The following GREM2 variants were observed in gnomAD, a reference collection of about 807,000 sequenced individuals.
GREM2 encodes the protein gremlin-2.
A neutral mutation model predicts 14.2 loss-of-function variants in GREM2; 11 were observed. The observed-to-expected ratio is 0.78, with a 90% CI of 0.49 to 1.28. The LOEUF (loss-of-function observed/expected upper bound fraction) is 1.28. Ranked by LOEUF, GREM2 falls within the 50% of genes most tolerant of loss-of-function variation. The pLI, the probability that GREM2 is intolerant of heterozygous loss-of-function variation, is 0.00. For missense variants in GREM2, 210 were observed against 218.5 expected, an observed-to-expected ratio of 0.96 and a Z score of 0.24; for synonymous variants, 98 against 97.6, an observed-to-expected ratio of 1.00 and a Z score of -0.02.
At chr1:240,594,097 G>T (rs912885359) in intron 1 of GREM2, among the ~76,000 whole-genome samples, 9 of 152,066 alleles carry the variant, frequency 5.9e-5, no homozygotes, top group Non-Finnish European at 1.3e-4. Flanking sequence ...GGGACCACAG[G>T]CACACAACAC....
In GREM2 at chr1:240,493,042, C is replaced by T. The variant is rs1337786253; in HGVS notation, c.434G>A (p.Arg145Gln). The T allele has an allele frequency of 1.9e-6, 3 of 1,603,604 alleles. No homozygotes were observed. The African/African-American group carries it at 4.0e-5, about 21-fold the overall frequency. ...CTTCACCTTCTGGATTTTCTTGAGT[C>T]GGAAGGGTGGGTCCAGGCCGGGGCA... ...LECPGLDPPFRLKKIQKVKQC... is the reference protein window; with the variant it reads ...LECPGLDPPFQLKKIQKVKQC... The change falls in exon 2 of 2, where the codon CGA (arginine) becomes CAA (glutamine). Residue 145 changes from arginine to glutamine, a missense_variant. Physicochemically the swap from Arg to Gln is conservative, Grantham distance 43. Coordinates refer to ENST00000318160, the MANE Select transcript of GREM2 (RefSeq NM_022469.4).
At position 240,514,934 on chromosome 1, in the gene GREM2, C is replaced by T. The variant is rs114321212; in HGVS notation, c.-1-21458G>A. ...CCAGCCTGGGCTACAGAGCAAGCCT[C>T]TATCTCAAACAACAAACAAACAAAC... On this transcript the variant is annotated intron_variant, in intron 1 of 1. Coordinates refer to ENST00000318160, the MANE Select transcript of GREM2 (RefSeq NM_022469.4). 8.3e-3 allele frequency among the ~76,000 whole-genome samples: 1,256 copies of T among 151,128 alleles called. 11 individuals carry two copies. Among genetic ancestry groups the T allele is most frequent in the Middle Eastern group, 0.048 (14 of 292 alleles).
At chr1:240,527,746 T>G (rs1161206600) in intron 1 of GREM2, among the ~76,000 whole-genome samples, 1 of 152,210 alleles carries the variant, frequency 6.6e-6, no homozygotes. Flanking sequence ...TTATCCCTAC[T>G]TCGTATATAA....
chr1:240,544,249 G>A (rs185783388), intron 1 of GREM2, among the ~76,000 whole-genome samples: 213 of 150,876 alleles, frequency 1.4e-3, no homozygotes, highest in Middle Eastern at 0.01. Context: ...CTGGGTTCAC[G>A]CCTTTCTCCT....
At chr1:240,578,479 T>G (rs904721696) in intron 1 of GREM2, among the ~76,000 whole-genome samples, 1 of 151,938 alleles carries the variant, frequency 6.6e-6, no homozygotes, top group African/African-American at 2.4e-5. Flanking sequence ...CTCTGTTAGT[T>G]TGCTCATCTA....
intron 1 of GREM2, among the ~76,000 whole-genome samples, chr1:240,518,531 C>T (rs1678000414): frequency 6.6e-6 from 1 of 152,072 alleles, no homozygotes; most frequent in African/African-American, 2.4e-5. Flanking sequence ...TTTTTTTAAA[C>T]ATTTTATCTG....
chr1:240,567,001 C>T (rs1360840689), intron 1 of GREM2, among the ~76,000 whole-genome samples: 2 of 151,902 alleles, frequency 1.3e-5, no homozygotes, highest in African/African-American at 2.4e-5. Context: ...AAAGTTGAGA[C>T]ATGGAAAATA....
chr1:240,497,775 C>T (rs1269057516), intron 1 of GREM2, among the ~76,000 whole-genome samples: 12 of 152,036 alleles, frequency 7.9e-5, no homozygotes, highest in African/African-American at 2.7e-4. Context: ...AAAATGGCCA[C>T]GCTTCCAGCT....
chr1:240,558,280 A>G (rs1379851509), intron 1 of GREM2, among the ~76,000 whole-genome samples: 4 of 152,110 alleles, frequency 2.6e-5, no homozygotes, highest in Admixed American at 2.0e-4. Flanking sequence ...CTTTGATAGT[A>G]ATTGCCTTTG....
At chr1:240,585,237 C>G (rs945062565) in intron 1 of GREM2, among the ~76,000 whole-genome samples, 1 of 151,970 alleles carries the variant, frequency 6.6e-6, no homozygotes, top group East Asian at 1.9e-4. Flanking sequence ...AGGAAGGTCC[C>G]GAGGGTGCAG....
chr1:240,497,120 C>T (rs764696804), intron 1 of GREM2, among the ~76,000 whole-genome samples: 12 of 152,074 alleles, frequency 7.9e-5, no homozygotes, highest in Admixed American at 2.6e-4. Flanking sequence ...CACGTGACTG[C>T]GTGACAAAGG....
rs1677314958 is a variant in GREM2 at position 240,493,393 on chromosome 1, C to G, written c.83G>C (p.Gly28Ala). Residue 28 changes from glycine (G) to alanine (A), a missense_variant, in exon 2 of 2, where the codon GGC becomes GCC. By Grantham distance (60) the Gly-to-Ala change is moderately conservative. Coordinates refer to ENST00000318160, the MANE Select transcript of GREM2 (RefSeq NM_022469.4). Reference protein sequence around the residue: ...VAEARKNRPAGAIPSPYKDGS... With the variant: ...VAEARKNRPAAAIPSPYKDGS... ...GTCCTTGTAAGGCGAGGGGATGGCGCCCGCCGGCCGGTTCTTCCGGGCTTC... is the reference window on the plus strand; with the variant it reads ...GTCCTTGTAAGGCGAGGGGATGGCGGCCGCCGGCCGGTTCTTCCGGGCTTC... 5.6e-6 allele frequency: 9 copies of G among 1,613,426 alleles called. No individual in the cohort carries two copies. Among genetic ancestry groups the G allele is most frequent in the Non-Finnish European group, 7.6e-6 (9 of 1,179,908 alleles).
At chr1:240,518,200 CT>C in intron 1 of GREM2, among the ~76,000 whole-genome samples, 1 of 152,272 alleles carries the variant, frequency 6.6e-6, no homozygotes, top group South Asian at 2.1e-4. Context: ...TGCTAAACTC[CT>C]TTTACATCAG....
At chr1:240,498,987 A>G (rs1677499947) in intron 1 of GREM2, among the ~76,000 whole-genome samples, 2 of 152,174 alleles carry the variant, frequency 1.3e-5, no homozygotes, top group South Asian at 4.1e-4. Flanking sequence ...TTTCCTTTTA[A>G]GTGAACGCCC....
chr1:240,586,170 T>C lies in GREM2; in HGVS notation c.-2+25714A>G, dbSNP rs147960341. On this transcript the variant is annotated intron_variant, in intron 1 of 1. Transcript: ENST00000318160. ...TAAGATTAAGACAAAGATTACTACA[T>C]AGTGACAAAGCTAAATCATCTCCGG... Among the ~76,000 whole-genome samples the C allele has an allele frequency of 2.0e-5, 3 of 152,250 alleles. No homozygotes were observed. In the East Asian group the frequency reaches 5.8e-4, roughly 29 times the overall value.
intron 1 of GREM2, among the ~76,000 whole-genome samples, chr1:240,604,331 G>GTGTC (rs1679986710): frequency 6.6e-6 from 1 of 151,738 alleles, no homozygotes; most frequent in East Asian, 1.9e-4. Context: ...GTGTGTGTGT[G>GTGTC]TGTGTGTATA....
chr1:240,553,466 C>G (rs925529819), intron 1 of GREM2, among the ~76,000 whole-genome samples: 1 of 152,132 alleles, frequency 6.6e-6, no homozygotes, highest in African/African-American at 2.4e-5. Flanking sequence ...TTGTCAGATG[C>G]GTAAAAATCT....
chr1:240,562,856 GTA>G (rs1201636680), intron 1 of GREM2, among the ~76,000 whole-genome samples: 7 of 150,934 alleles, frequency 4.6e-5, no homozygotes, highest in African/African-American at 1.5e-4. Flanking sequence ...GTGTATGTGT[GTA>G]TGTGTATATG....
intron 1 of GREM2, among the ~76,000 whole-genome samples, chr1:240,496,425 A>G (rs889387975): frequency 6.6e-6 from 1 of 152,078 alleles, no homozygotes; most frequent in Admixed American, 6.6e-5. Context: ...CCAAATGTCT[A>G]CTTGGCCTTC....
Sources: allele counts gnomAD v4.1 joint callset (sites outside exome capture counted in the v4.1 genomes callset), GRCh38; gene constraint gnomAD v4.1.1; transcripts MANE v1.5; gene names NCBI Gene and HGNC (gene_info 2026-07-23, HGNC 2026-07-21).